Variants in MARF1 observed in about 807,000 individuals in gnomAD.
The protein encoded by MARF1 is limkain-b1.
In MARF1, 24 loss-of-function variants were observed where a neutral mutation model predicts 168.2. The ratio of observed to expected loss-of-function variants is 0.14; its 90% CI spans 0.10 to 0.20. The LOEUF (loss-of-function observed/expected upper bound fraction) is 0.20, where lower values mean the gene tolerates loss of function less well. Among genes scored for constraint, MARF1 ranks in the 10% least tolerant of loss-of-function variants. The pLI is 1.00. For missense variants in MARF1, 1,744 were observed against 2,143.6 expected (o/e 0.81, Z 3.68); for synonymous variants, 868 against 822.4 (o/e 1.06, Z -0.95).
intron 1 of MARF1, among the ~76,000 whole-genome samples, chr16:15,639,558 G>A (rs931763905): frequency 6.6e-6 from 1 of 152,044 alleles, no homozygotes; most frequent in Non-Finnish European, 1.5e-5. Flanking sequence ...CTGTCACTAT[G>A]CCTGGCTAAT....
Position 15,602,050 on chromosome 16 carries a change from G to C in MARF1, c.4567C>G (p.Leu1523Val). Residue 1523 changes from leucine to valine, a missense_variant, in exon 23 of 27, where the codon CTG becomes GTG. Around this residue, in one of 7 missense-constraint regions of MARF1, gnomAD observed 313 missense variants for 337.4 expected, o/e 0.93. Coordinates refer to ENST00000396368, the MANE Select transcript of MARF1 (RefSeq NM_014647.4). ...CTGTGGCCGTAGGTCTTGGGCTGCA[G>C]AGTTTCTCCGACATACTTGGTATAG... Reference protein sequence around the residue: ...MAYTKYVGETLQPKTYGHSSV... With the variant: ...MAYTKYVGETVQPKTYGHSSV... 3 of 1,614,190 alleles carry C rather than the reference G, an allele frequency of 1.9e-6. No homozygotes were observed. The highest frequency in any genetic ancestry group is 2.5e-6 in the Non-Finnish European group (3 of 1,180,010).
At chr16:15,642,742 C>A (rs948295955) in intron 1 of MARF1, among the ~76,000 whole-genome samples, 2 of 152,182 alleles carry the variant, frequency 1.3e-5, no homozygotes, top group African/African-American at 2.4e-5. Context: ...CTGGAGGGCC[C>A]CACCAGGGGT....
chr16:15,604,035 G>A, intron 22 of MARF1, 133 bp downstream of exon 22: 1 of 695,918 alleles, frequency 1.4e-6, no homozygotes. Flanking sequence ...TGAGGTCTCG[G>A]CGTGTTCATC....
At position 15,630,518 on chromosome 16, in the gene MARF1, T is replaced by TACAG. The variant is rs2035176610; in HGVS notation, c.1352-18_1352-15dup. On this transcript the variant is annotated splice_polypyrimidine_tract_variant and intron_variant, in intron 6 of 26. Coordinates refer to ENST00000396368, the MANE Select transcript of MARF1 (RefSeq NM_014647.4). ...AATTGACATCAGCTGAAAGAAAAGG[T>TACAG]ACAGACCAACCCCATCCCCAAACAT... 2.5e-6 allele frequency: 4 copies of TACAG among 1,609,466 alleles called. No homozygotes were observed. Among genetic ancestry groups the TACAG allele is most frequent in the Non-Finnish European group, 3.4e-6 (4 of 1,177,798 alleles).
chr16:15,597,674 T>C (rs2031878538), intron 26 of MARF1, among the ~76,000 whole-genome samples: 1 of 152,188 alleles, frequency 6.6e-6, no homozygotes, highest in Admixed American at 6.5e-5. Context: ...GCCAGCTCCC[T>C]GCCTAGGCTG....
intron 1 of MARF1, among the ~76,000 whole-genome samples, chr16:15,641,232 G>A (rs1463044737): frequency 6.6e-6 from 1 of 152,030 alleles, no homozygotes; most frequent in Non-Finnish European, 1.5e-5. Context: ...TATCTCTTGT[G>A]CCAACCAAAA....
rs1293900131 is a variant in MARF1 at position 15,617,549 on chromosome 16, AAG to A, written c.2721-16_2721-15del. 1 of 1,560,610 alleles carries A rather than the reference AAG, an allele frequency of 6.4e-7. No homozygotes were observed. The highest frequency in any genetic ancestry group is 2.3e-5 in the East Asian group (1 of 44,418). On this transcript the variant is annotated splice_polypyrimidine_tract_variant and intron_variant, in intron 13 of 26. Transcript: ENST00000396368. ...TTGTGTCCAAACCTAAAAGCAAGAG[AAG>A]AGAGACGCTGACTTAGAAGGTTTTT...
At chr16:15,627,270 T>C (rs576666823) in intron 7 of MARF1, among the ~76,000 whole-genome samples, 157 of 151,662 alleles carry the variant, frequency 1.0e-3, no homozygotes, top group African/African-American at 3.7e-3. Flanking sequence ...GGTGGATCAC[T>C]TGAGGTCAGG....
intron 22 of MARF1, 110 bp downstream of exon 22, chr16:15,604,058 T>C: frequency 1.2e-6 from 1 of 826,294 alleles, no homozygotes; most frequent in Non-Finnish European, 1.9e-6. Context: ...TGAAATGGTC[T>C]CTCGGGTCCC....
Position 15,634,916 on chromosome 16 carries a change from T to C in MARF1, c.847A>G (p.Ile283Val), listed in dbSNP as rs757352937. Reference protein sequence around the residue: ...DCLNKPARNSIIDAAKVWPNI... With the variant: ...DCLNKPARNSVIDAAKVWPNI... ...GGCCAGACTTTAGCCGCATCGATTA[T>C]GCTATTTCTTGCTGGCTGTTTTAAA... is the stretch of plus-strand genomic sequence containing the variant. Residue 283 changes from isoleucine (I) to valine (V), a missense_variant, in exon 4 of 27, where the codon ATA (isoleucine) becomes GTA (valine). Ile to Val is a conservative substitution (Grantham distance 29, BLOSUM62 3). Around this residue, in one of 7 missense-constraint regions of MARF1, gnomAD observed 217 missense variants for 372.4 expected, o/e 0.58. Coordinates refer to ENST00000396368, the MANE Select transcript of MARF1 (RefSeq NM_014647.4). The C allele has an allele frequency of 3.7e-6, 6 of 1,610,894 alleles. No homozygotes were observed. Among genetic ancestry groups the C allele is most frequent in the Middle Eastern group, 1.7e-4 (1 of 6,050 alleles).
At chr16:15,609,141 G>T (rs1026346237) in intron 20 of MARF1, among the ~76,000 whole-genome samples, 6 of 152,172 alleles carry the variant, frequency 3.9e-5, no homozygotes, top group African/African-American at 1.4e-4. Flanking sequence ...TCGGGAGGTT[G>T]AGGCAAGTGA....
intron 7 of MARF1, among the ~76,000 whole-genome samples, chr16:15,626,508 CTAGGAGCTA>C (rs2151223828): frequency 6.6e-6 from 1 of 152,264 alleles, no homozygotes; most frequent in South Asian, 2.1e-4. Context: ...CCTGGGAATA[CTAGGAGCTA>C]TAGGCTTAAG....
At chr16:15,624,649 G>A in intron 10 of MARF1, 120 bp downstream of exon 10, 3 of 910,580 alleles carry the variant, frequency 3.3e-6, no homozygotes, top group Non-Finnish European at 5.1e-6. Flanking sequence ...TGGCAGAAGA[G>A]TGATGGGAGA....
Position 15,604,308 on chromosome 16 carries a change from A to T in MARF1, c.4273T>A (p.Ser1425Thr), listed in dbSNP as rs762867615. Residue 1425 changes from serine (S) to threonine (T), a missense_variant, in exon 22 of 27, where the codon TCT (serine) becomes ACT (threonine). By Grantham distance (58) the Ser-to-Thr change is moderately conservative (BLOSUM62 1). This residue lies in a region of MARF1 where 74 missense variants were observed against 66.7 expected (regional missense o/e 1.11). Transcript: ENST00000396368. ...LTAQLLVLLM[S>T]WEGTTHLSVE... is the part of the protein sequence containing the mutation. Reference sequence around the variant, plus strand: ...GAAAGATGGGTGGTTCCTTCCCAAGACATCAACAATACCAGCAACTGGGCA... The same window carrying T: ...GAAAGATGGGTGGTTCCTTCCCAAGTCATCAACAATACCAGCAACTGGGCA... 12 of 1,613,990 alleles carry T rather than the reference A, an allele frequency of 7.4e-6. No individual in the cohort carries two copies. The highest frequency in any genetic ancestry group is 9.3e-6 in the Non-Finnish European group (11 of 1,180,010).
Position 15,620,469 on chromosome 16 carries a change from G to A in MARF1, c.2702C>T (p.Thr901Ile). ...AACTTACTTTTTTTCATAGATATCTGTAAATTTAAACAGAGGCAGGCAACA... is the reference window on the plus strand; with the variant it reads ...AACTTACTTTTTTTCATAGATATCTATAAATTTAAACAGAGGCAGGCAACA... Reference protein sequence around the residue: ...PACCLPLFKFTDIYEKKFGHK... With the variant: ...PACCLPLFKFIDIYEKKFGHK... The change falls in exon 13 of 27, where the codon ACA becomes ATA. Residue 901 changes from threonine to isoleucine, a missense_variant. Coordinates refer to ENST00000396368, the MANE Select transcript of MARF1 (RefSeq NM_014647.4). 1.2e-6 allele frequency: 2 copies of A among 1,611,774 alleles called. No individual in the cohort carries two copies. Among genetic ancestry groups the A allele is most frequent in the Middle Eastern group, 1.6e-4 (1 of 6,062 alleles).
In MARF1 at chr16:15,636,259, T is replaced by A; in HGVS notation, c.228A>T (p.Pro76=). ...SPLHAGSKLF[P]AVPLPDIRSL... ...AACGAATATCAGGAAGTGGGACTGC[T>A]GGAAAAAGCTTAGAGCCAGCATGAA... Residue 76 remains proline (P), a synonymous_variant, in exon 3 of 27, where the codon CCA becomes CCT. Coordinates refer to ENST00000396368, the MANE Select transcript of MARF1 (RefSeq NM_014647.4). The A allele has an allele frequency of 1.9e-6, 3 of 1,613,834 alleles. No homozygotes were observed. The South Asian group carries it at 3.3e-5, about 18-fold the overall frequency.
intron 14 of MARF1, 27 bp from the exon 15 acceptor site, chr16:15,617,198 G>A: frequency 6.2e-7 from 1 of 1,613,090 alleles, no homozygotes; most frequent in Non-Finnish European, 8.5e-7. Flanking sequence ...ACAATTGGAA[G>A]CTGACATTCC....
chr16:15,633,532 A>C (rs2035390182), intron 5 of MARF1, 85 bp downstream of exon 5: 1 of 1,057,112 alleles, frequency 9.5e-7, no homozygotes. Flanking sequence ...GGTGACACTT[A>C]GACTCTGTCT....
intron 20 of MARF1, chr16:15,608,755 T>C (rs182796222): frequency 1.0e-4 from 54 of 533,036 alleles, no homozygotes; most frequent in African/African-American, 9.0e-4. Context: ...TTCTATGTTA[T>C]GTGTATTGTG....
Sources: gnomAD v4.1 joint callset for allele counts (sites outside exome capture counted in the v4.1 genomes callset) on GRCh38, gnomAD v4.1.1 for gene constraint, gnomAD v4.1.1 regional missense constraint, MANE v1.5 for transcripts, NCBI Gene and HGNC (gene_info 2026-07-23, HGNC 2026-07-21) for gene names.